TASP1: variants seen among roughly 807,000 people sequenced by gnomAD.
The protein encoded by TASP1 is taspase 1.
A neutral mutation model predicts 56.6 loss-of-function variants in TASP1; 16 were observed. The ratio of observed to expected loss-of-function variants is 0.28; its 90% CI spans 0.19 to 0.43. The LOEUF is 0.43. Ranked by LOEUF, TASP1 falls within the 20% of genes least tolerant of loss-of-function variation. The pLI, the probability that TASP1 is intolerant of heterozygous loss-of-function variation, is 1.00. For missense variants in TASP1, 393 were observed against 511.6 expected (o/e 0.77, Z 2.24); for synonymous variants, 179 against 184.2 (o/e 0.97, Z 0.23).
chr20:13,220,397 C>T, the TASP1 span, among the ~76,000 whole-genome samples: 3 of 152,200 alleles, frequency 2.0e-5, no homozygotes, highest in Admixed American at 2.0e-4. Flanking sequence ...GCATGAGCCG[C>T]ACGCGGGAGC....
rs568266306 is a variant in TASP1 at position 13,494,799 on chromosome 20, A to G, written c.875-11462T>C. On this transcript the variant is annotated intron_variant, in intron 10 of 13. Coordinates refer to ENST00000337743, the MANE Select transcript of TASP1 (RefSeq NM_017714.3). ...TAATAATTATCTGCAAATAAGGAGC[A>G]CAACAGGTTCTGATACTAACACTTA... 4.6e-5 allele frequency among the ~76,000 whole-genome samples: 7 copies of G among 152,262 alleles called. No homozygotes were observed. In the East Asian group the frequency reaches 1.2e-3, roughly 25 times the overall value.
chr20:13,186,309 A>G, the TASP1 span, among the ~76,000 whole-genome samples: 1 of 152,204 alleles, frequency 6.6e-6, no homozygotes, highest in Non-Finnish European at 1.5e-5. Context: ...CCCGGGGGGA[A>G]AAATGTTGCC....
chr20:13,185,931 A>T, the TASP1 span, among the ~76,000 whole-genome samples: 49 of 152,292 alleles, frequency 3.2e-4, no homozygotes, highest in African/African-American at 1.2e-3. Context: ...TCTTGGGCTC[A>T]TCAGAAAACT....
intron 1 of TASP1, among the ~76,000 whole-genome samples, chr20:13,631,792 C>T (rs1398688397): frequency 6.6e-6 from 1 of 152,148 alleles, no homozygotes; most frequent in East Asian, 1.9e-4. Context: ...ACTGGCCAGG[C>T]GCGGTGGCTC....
At chr20:13,147,063 G>T in the TASP1 span, among the ~76,000 whole-genome samples, 1 of 152,164 alleles carries the variant, frequency 6.6e-6, no homozygotes, top group Non-Finnish European at 1.5e-5. Context: ...GTGGGAGGTG[G>T]AGGCAGGGTG....
chr20:13,294,969 G>A, the TASP1 span, among the ~76,000 whole-genome samples: 9 of 152,050 alleles, frequency 5.9e-5, no homozygotes, highest in African/African-American at 1.7e-4. Context: ...TTTGCCTTTC[G>A]CCAGGCCTTT....
chr20:13,354,711 T>G, the TASP1 span, among the ~76,000 whole-genome samples: 3 of 151,856 alleles, frequency 2.0e-5, no homozygotes, highest in Non-Finnish European at 4.4e-5. Context: ...CATAAGGTGA[T>G]GGTGAAGAAA....
At chr20:13,532,529 T>G (rs1224480349) in intron 9 of TASP1, among the ~76,000 whole-genome samples, 1 of 152,198 alleles carries the variant, frequency 6.6e-6, no homozygotes, top group African/African-American at 2.4e-5. Flanking sequence ...CACTCTTTCC[T>G]GATTTTCTAA....
chr20:13,475,936 G>A (rs1046016928), intron 11 of TASP1, among the ~76,000 whole-genome samples: 1 of 150,602 alleles, frequency 6.6e-6, no homozygotes, highest in African/African-American at 2.4e-5. Flanking sequence ...TGACTAACAC[G>A]GTGAAACCCC....
chr20:13,434,755 A>C (rs1014591606), intron 12 of TASP1, among the ~76,000 whole-genome samples: 1 of 152,170 alleles, frequency 6.6e-6, no homozygotes, highest in Non-Finnish European at 1.5e-5. Context: ...TTGTGGAATA[A>C]GATAGGACAT....
chr20:13,181,052 G>A, the TASP1 span, among the ~76,000 whole-genome samples: 1 of 152,176 alleles, frequency 6.6e-6, no homozygotes, highest in Non-Finnish European at 1.5e-5. Context: ...CAAACACTCT[G>A]ACAGCTCCCT....
the TASP1 span, among the ~76,000 whole-genome samples, chr20:13,307,059 T>C: frequency 1.6e-4 from 24 of 152,274 alleles, no homozygotes; most frequent in South Asian, 4.2e-3. Flanking sequence ...GCTGATCCAG[T>C]GCCAGAAAGA....
chr20:13,142,584 G>A, the TASP1 span, among the ~76,000 whole-genome samples: 1 of 152,110 alleles, frequency 6.6e-6, no homozygotes, highest in Non-Finnish European at 1.5e-5. Context: ...TCTACATTAC[G>A]AATTACCACA....
In TASP1 at chr20:13,415,251, G is replaced by A. The variant is rs190844748; in HGVS notation, c.1170+2197C>T. ...AGAAGTCAGGAAACCAGAGGGAGAGGAAGGTCCAAAGCTTAAACAGAATAC... is the reference window on the plus strand; with the variant it reads ...AGAAGTCAGGAAACCAGAGGGAGAGAAAGGTCCAAAGCTTAAACAGAATAC... On this transcript the variant is annotated intron_variant, in intron 13 of 13. Coordinates refer to ENST00000337743, the MANE Select transcript of TASP1 (RefSeq NM_017714.3). Among the ~76,000 whole-genome samples, 483 of 152,148 alleles carry A rather than the reference G, an allele frequency of 3.2e-3. 2 individuals carry two copies. Among genetic ancestry groups the A allele is most frequent in the East Asian group, 0.01 (53 of 5,172 alleles).
the TASP1 span, among the ~76,000 whole-genome samples, chr20:13,258,744 G>T: frequency 1.9e-4 from 29 of 152,130 alleles, no homozygotes; most frequent in African/African-American, 6.7e-4. Context: ...AATTGTATCG[G>T]GGAAAAATGA....
chr20:13,411,884 C>T (rs955411738), intron 13 of TASP1, among the ~76,000 whole-genome samples: 5 of 152,224 alleles, frequency 3.3e-5, no homozygotes, highest in African/African-American at 1.2e-4. Context: ...TACAACACTG[C>T]CTGGCCCTTG....
chr20:13,421,037 C>G (rs973585161), intron 12 of TASP1, among the ~76,000 whole-genome samples: 1 of 151,640 alleles, frequency 6.6e-6, no homozygotes, highest in Non-Finnish European at 1.5e-5. Context: ...CATAACGAAA[C>G]CCAGAGACCA....
At chr20:13,488,521 A>C (rs772700013) in intron 10 of TASP1, among the ~76,000 whole-genome samples, 3 of 152,174 alleles carry the variant, frequency 2.0e-5, no homozygotes, top group Non-Finnish European at 4.4e-5. Context: ...TCAGACATGT[A>C]ACGACAAATT....
chr20:13,502,848 G>C (rs542287380), intron 10 of TASP1, among the ~76,000 whole-genome samples: 19 of 152,252 alleles, frequency 1.2e-4, no homozygotes, highest in African/African-American at 4.3e-4. Context: ...CACACAGTTG[G>C]AGCACAAGAT....
Sources: gnomAD v4.1 joint callset for allele counts (sites outside exome capture counted in the v4.1 genomes callset) on GRCh38, gnomAD v4.1.1 for gene constraint, MANE v1.5 for transcripts, NCBI Gene and HGNC (gene_info 2026-07-23, HGNC 2026-07-21) for gene names.